CEP112: variants seen among roughly 807,000 people sequenced by gnomAD.
CEP112 encodes centrosomal protein 112, also known as centrosomal protein of 112 kDa.
A neutral mutation model predicts 153.0 loss-of-function variants in CEP112; 127 were observed. That is an observed-to-expected ratio of 0.83 (90% CI 0.72 to 0.96). CEP112 has a LOEUF of 0.96. Among genes scored for constraint, CEP112 ranks in the 40% least tolerant of loss-of-function variants. The probability of loss-of-function intolerance (pLI) is 0.00; values close to 1 mark genes in which losing one functional copy is unlikely to be tolerated. For synonymous variants in CEP112, 358 were observed against 374.4 expected (o/e 0.96, Z 0.51); for missense variants, 1,089 against 1,101.2 (o/e 0.99, Z 0.16).
intron 25 of CEP112, among the ~76,000 whole-genome samples, chr17:65,637,588 G>A (rs2044843473): frequency 6.6e-6 from 1 of 152,160 alleles, no homozygotes; most frequent in African/African-American, 2.4e-5. Context: ...TGGTTTAAAT[G>A]TCACCTCTCC....
chr17:65,970,218 T>C (rs1204732431), intron 17 of CEP112, among the ~76,000 whole-genome samples: 1 of 114,976 alleles, frequency 8.7e-6, no homozygotes, highest in Non-Finnish European at 1.8e-5. Flanking sequence ...CATGCATGCA[T>C]ATACCATGCA....
At chr17:65,869,806 C>T (rs1240520666) in intron 20 of CEP112, among the ~76,000 whole-genome samples, 1 of 151,606 alleles carries the variant, frequency 6.6e-6, no homozygotes, top group Non-Finnish European at 1.5e-5. Flanking sequence ...AGGATGGTCT[C>T]GATCTCCTGA....
chr17:65,943,522 T>G (rs2061563262), intron 18 of CEP112, among the ~76,000 whole-genome samples: 1 of 152,218 alleles, frequency 6.6e-6, no homozygotes, highest in Non-Finnish European at 1.5e-5. Flanking sequence ...TCTTTAAGAA[T>G]GTTGAATATT....
chr17:65,703,556 G>C (rs892497395), intron 23 of CEP112, among the ~76,000 whole-genome samples: 1 of 149,770 alleles, frequency 6.7e-6, no homozygotes, highest in African/African-American at 2.5e-5. Flanking sequence ...GTTCCTAGAG[G>C]CTACTCAAGG....
chr17:65,774,529 C>G lies in CEP112; in HGVS notation c.2395-23805G>C, dbSNP rs188888203. Among the ~76,000 whole-genome samples the G allele has an allele frequency of 1.7e-3, 265 of 152,338 alleles. 3 individuals carry two copies. Among genetic ancestry groups the G allele is most frequent in the Admixed American group, 0.014 (216 of 15,308 alleles). Reference sequence around the variant, plus strand: ...TTTCCTGTGGGCTCCCCACTGCCCCCTGACCACACACAGGAAGAATACAAC... The same window carrying G: ...TTTCCTGTGGGCTCCCCACTGCCCCGTGACCACACACAGGAAGAATACAAC... On this transcript the variant is annotated intron_variant, in intron 21 of 26. Coordinates refer to ENST00000535342, the MANE Select transcript of CEP112 (RefSeq NM_001199165.4).
At chr17:66,189,962 G>A (rs1172892240) in intron 1 of CEP112, among the ~76,000 whole-genome samples, 1 of 152,078 alleles carries the variant, frequency 6.6e-6, no homozygotes, top group Non-Finnish European at 1.5e-5. Flanking sequence ...AGCCCAAGAG[G>A]TCAAGGCTGC....
chr17:66,004,357 G>GGCGT (rs1349266114), intron 17 of CEP112, among the ~76,000 whole-genome samples: 5 of 152,126 alleles, frequency 3.3e-5, no homozygotes, highest in African/African-American at 9.7e-5. Context: ...TGGGCGTGGT[G>GGCGT]GCGTGTGCCT....
At chr17:65,699,994 A>G (rs918065382) in intron 23 of CEP112, among the ~76,000 whole-genome samples, 2 of 152,048 alleles carry the variant, frequency 1.3e-5, no homozygotes, top group Non-Finnish European at 2.9e-5. Flanking sequence ...TCTCTGTTGC[A>G]CCGGGCACTA....
At chr17:66,029,528 C>CT (rs536511995) in intron 13 of CEP112, among the ~76,000 whole-genome samples, 28 of 151,832 alleles carry the variant, frequency 1.8e-4, no homozygotes, top group Non-Finnish European at 3.8e-4. Context: ...GAGACCGTGT[C>CT]TCTACAAAAA....
chr17:65,951,714 A>T (rs2061833207), intron 18 of CEP112, among the ~76,000 whole-genome samples: 1 of 144,772 alleles, frequency 6.9e-6, no homozygotes, highest in Non-Finnish European at 1.5e-5. Flanking sequence ...ATGTATTTCA[A>T]TCTTAGCTTT....
intron 21 of CEP112, among the ~76,000 whole-genome samples, chr17:65,842,720 A>C (rs2057567050): frequency 6.6e-6 from 1 of 152,184 alleles, no homozygotes; most frequent in African/African-American, 2.4e-5. Flanking sequence ...CAGATAAAGT[A>C]GGAGAGCTGG....
chr17:65,819,858 A>G (rs567415768), intron 21 of CEP112, among the ~76,000 whole-genome samples: 1 of 152,116 alleles, frequency 6.6e-6, no homozygotes, highest in African/African-American at 2.4e-5. Context: ...TAACAACTAA[A>G]TGCACTGTGA....
chr17:65,749,513 A>T (rs28536602), intron 22 of CEP112, among the ~76,000 whole-genome samples: 6,512 of 152,074 alleles, frequency 0.043, 147 homozygotes, highest in Non-Finnish European at 0.052. Context: ...GTCTCAAAAA[A>T]AAATAAATAA....
chr17:66,029,633 G>GT (rs1283088740), intron 13 of CEP112, among the ~76,000 whole-genome samples: 1 of 152,084 alleles, frequency 6.6e-6, no homozygotes, highest in Non-Finnish European at 1.5e-5. Flanking sequence ...GAGCCCAGGA[G>GT]TTTGAGATAC....
intron 20 of CEP112, among the ~76,000 whole-genome samples, chr17:65,896,192 T>C (rs931011939): frequency 1.3e-5 from 2 of 152,126 alleles, no homozygotes; most frequent in African/African-American, 4.8e-5. Flanking sequence ...TGCCACATTT[T>C]AAAAATATGC....
intron 24 of CEP112, among the ~76,000 whole-genome samples, chr17:65,671,219 C>T (rs2046964435): frequency 6.6e-6 from 1 of 152,052 alleles, no homozygotes; most frequent in East Asian, 1.9e-4. Context: ...GAAGGTCATA[C>T]CACAGGGTGA....
chr17:66,014,789 T>C (rs1490955255), intron 16 of CEP112, among the ~76,000 whole-genome samples: 1 of 152,186 alleles, frequency 6.6e-6, no homozygotes, highest in Non-Finnish European at 1.5e-5. Flanking sequence ...GTCTCTGTCC[T>C]CCCTCTGTCC....
At chr17:66,167,316 T>C (rs2072019062) in intron 4 of CEP112, among the ~76,000 whole-genome samples, 1 of 152,130 alleles carries the variant, frequency 6.6e-6, no homozygotes, top group South Asian at 2.1e-4. Context: ...CCAGTGATGA[T>C]GGTGGTAGCC....
chr17:66,089,345 G>C (rs189911355), intron 8 of CEP112, among the ~76,000 whole-genome samples: 6 of 152,162 alleles, frequency 3.9e-5, no homozygotes, highest in Admixed American at 3.9e-4. Flanking sequence ...TGACCCCAAA[G>C]AAATGAAAAT....
Sources: allele counts gnomAD v4.1 joint callset (sites outside exome capture counted in the v4.1 genomes callset), GRCh38; gene constraint gnomAD v4.1.1; transcripts MANE v1.5; gene names NCBI Gene and HGNC (gene_info 2026-07-23, HGNC 2026-07-21).